The following CTNNA2 variants were observed in gnomAD, a reference collection of about 807,000 sequenced individuals.
CTNNA2 encodes catenin alpha-2.
CTNNA2 carries 42 observed loss-of-function variants against 101.0 expected under a neutral mutation model. The observed-to-expected ratio is 0.42, with a 90% CI of 0.32 to 0.54. The LOEUF is 0.54. Ranked by LOEUF, CTNNA2 falls within the 20% of genes least tolerant of loss-of-function variation. The pLI is 0.14. For missense variants in CTNNA2, 871 were observed against 1,223.1 expected, an observed-to-expected ratio of 0.71 and a Z score of 4.29; for synonymous variants, 450 against 456.4, an observed-to-expected ratio of 0.99 and a Z score of 0.18.
intron 9 of CTNNA2, among the ~76,000 whole-genome samples, chr2:80,491,359 G>A (rs1013607335): frequency 2.0e-5 from 3 of 152,138 alleles, no homozygotes; most frequent in African/African-American, 4.8e-5. Flanking sequence ...GTGGGAGAAC[G>A]GCATGATCAC....
chr2:80,142,542 C>G (rs953041892), intron 7 of CTNNA2, among the ~76,000 whole-genome samples: 1 of 152,184 alleles, frequency 6.6e-6, no homozygotes, highest in Non-Finnish European at 1.5e-5. Flanking sequence ...AGCTGGCTAT[C>G]TGGAGATGGA....
chr2:80,044,391 A>G (rs936722760), intron 7 of CTNNA2, among the ~76,000 whole-genome samples: 1 of 151,706 alleles, frequency 6.6e-6, no homozygotes, highest in African/African-American at 2.4e-5. Flanking sequence ...GTAAAAAAAA[A>G]TTAAATGCTA....
chr2:80,085,709 C>A (rs971285306), intron 7 of CTNNA2, among the ~76,000 whole-genome samples: 1 of 151,736 alleles, frequency 6.6e-6, no homozygotes, highest in Admixed American at 6.6e-5. Context: ...TCTGGCTTCC[C>A]CTATATTGAT....
At chr2:80,147,231 G>C (rs1458571843) in intron 7 of CTNNA2, among the ~76,000 whole-genome samples, 3 of 152,026 alleles carry the variant, frequency 2.0e-5, no homozygotes, top group African/African-American at 4.8e-5. Flanking sequence ...TTCCCAAAGT[G>C]CTGGGATAAC....
chr2:79,706,317 C>T (rs1024841539), intron 2 of CTNNA2, among the ~76,000 whole-genome samples: 1 of 138,660 alleles, frequency 7.2e-6, no homozygotes, highest in Non-Finnish European at 1.5e-5. Flanking sequence ...GAGCCGAGAT[C>T]ACGCCACTGC....
chr2:79,848,157 A>G (rs1303750919), intron 3 of CTNNA2, among the ~76,000 whole-genome samples: 1 of 152,218 alleles, frequency 6.6e-6, no homozygotes, highest in Non-Finnish European at 1.5e-5. Flanking sequence ...GGCTGCTTAT[A>G]TGCTTTACAA....
chr2:80,547,709 G>A (rs563516835), intron 11 of CTNNA2, among the ~76,000 whole-genome samples: 100 of 37,960 alleles, frequency 2.6e-3, no homozygotes, highest in Middle Eastern at 0.016. Flanking sequence ...TTTTTTTTGA[G>A]ATGGAGTTTC....
intron 7 of CTNNA2, among the ~76,000 whole-genome samples, chr2:80,351,604 T>C (rs1404278699): frequency 6.6e-6 from 1 of 152,140 alleles, no homozygotes; most frequent in Non-Finnish European, 1.5e-5. Context: ...GCCTGGGTGA[T>C]TTGGCATGAA....
chr2:79,230,796 G>A (rs1674481873), intron 2 of CTNNA2, among the ~76,000 whole-genome samples: 2 of 152,200 alleles, frequency 1.3e-5, no homozygotes, highest in South Asian at 4.1e-4. Flanking sequence ...CCAAGACTAT[G>A]GGAACCCACC....
intron 9 of CTNNA2, among the ~76,000 whole-genome samples, chr2:80,536,665 A>G (rs1691053216): frequency 1.3e-5 from 2 of 152,204 alleles, no homozygotes; most frequent in South Asian, 4.1e-4. Context: ...ATCACGTTGG[A>G]GTTAAATGCC....
At chr2:80,604,242 G>C (rs1697802408) in intron 16 of CTNNA2, 63 bp downstream of exon 16, 3 of 1,350,586 alleles carry the variant, frequency 2.2e-6, no homozygotes, top group Non-Finnish European at 3.2e-6. Context: ...CTTGGGTTTT[G>C]TAACTAGTTT....
intron 4 of CTNNA2, among the ~76,000 whole-genome samples, chr2:79,494,328 A>C (rs184677878): frequency 1.8e-4 from 28 of 152,022 alleles, no homozygotes; most frequent in African/African-American, 6.3e-4. Context: ...TTTATGTGGA[A>C]ATGCAGGGGA....
At chr2:79,322,120 A>G (rs1270614355) in intron 3 of CTNNA2, among the ~76,000 whole-genome samples, 1 of 152,252 alleles carries the variant, frequency 6.6e-6, no homozygotes, top group Non-Finnish European at 1.5e-5. Context: ...GCTGTTTTAT[A>G]GGCAAGAGCT....
intron 7 of CTNNA2, among the ~76,000 whole-genome samples, chr2:80,042,906 G>A (rs2104280683): frequency 6.6e-6 from 1 of 152,252 alleles, no homozygotes; most frequent in African/African-American, 2.4e-5. Context: ...CTGGGGTTGA[G>A]ACTTTGGAGC....
chr2:80,302,138 A>G lies in CTNNA2; in HGVS notation c.1057-91073A>G. 7.6e-7 allele frequency: 1 copy of G among 1,323,834 alleles called. No individual in the cohort carries two copies. Among genetic ancestry groups the G allele is most frequent in the Non-Finnish European group, 1.0e-6 (1 of 984,172 alleles). 82.0% of individuals were successfully genotyped at this position (1,323,834 alleles called of 1,614,324 possible). ...CTGGGAGAGATCCCCTTAAAGTTTCAGTCAAGGAGCATATCAGAGCACAGA... is the reference window on the plus strand; with the variant it reads ...CTGGGAGAGATCCCCTTAAAGTTTCGGTCAAGGAGCATATCAGAGCACAGA... On this transcript the variant is annotated intron_variant, in intron 7 of 18. Coordinates refer to ENST00000402739, the MANE Select transcript of CTNNA2 (RefSeq NM_001282597.3). This position sits in a 1 kb window ranked among gnomAD's most constrained non-coding sequence, Gnocchi z 6.4.
chr2:80,396,389 G>GTT (rs1678015668), intron 8 of CTNNA2, among the ~76,000 whole-genome samples: 1 of 152,144 alleles, frequency 6.6e-6, no homozygotes. Context: ...TTTAAGCATT[G>GTT]GGTTCTCATT....
intron 7 of CTNNA2, among the ~76,000 whole-genome samples, chr2:79,910,231 G>T (rs1056168964): frequency 6.6e-6 from 1 of 152,110 alleles, no homozygotes; most frequent in Admixed American, 6.5e-5. Context: ...AATCTACTAG[G>T]TTTAAAAAAC....
At chr2:80,161,373 A>G (rs183584693) in intron 7 of CTNNA2, among the ~76,000 whole-genome samples, 4 of 152,236 alleles carry the variant, frequency 2.6e-5, no homozygotes, top group East Asian at 3.9e-4. Context: ...AAGGAACAGT[A>G]CGAACGCTGT....
intron 9 of CTNNA2, among the ~76,000 whole-genome samples, chr2:80,481,996 G>C (rs1045832330): frequency 4.6e-5 from 7 of 152,042 alleles, no homozygotes; most frequent in African/African-American, 1.7e-4. Context: ...CCAGTAAATA[G>C]ATCTCATTTG....
Sources: allele counts gnomAD v4.1 joint callset (sites outside exome capture counted in the v4.1 genomes callset), GRCh38; gene constraint gnomAD v4.1.1; non-coding constraint Gnocchi (gnomAD v3.1); transcripts MANE v1.5; gene names NCBI Gene and HGNC (gene_info 2026-07-23, HGNC 2026-07-21).